ZNF700: variants seen among roughly 807,000 people sequenced by gnomAD.
ZNF700 encodes zinc finger protein 700.
In ZNF700, 38 loss-of-function variants were observed where a neutral mutation model predicts 65.3. The ratio of observed to expected loss-of-function variants is 0.58; its 90% CI spans 0.45 to 0.76. ZNF700 has a LOEUF of 0.76. ZNF700 is among the 30% of genes least tolerant of loss of function. ZNF700 has a pLI of 0.00. For missense variants in ZNF700, 857 were observed against 888.4 expected (o/e 0.96, Z 0.45); for synonymous variants, 285 against 290.4 (o/e 0.98, Z 0.19).
At chr19:11,930,691 GTTTCAC>G (rs1972700105) in intron 1 of ZNF700, among the ~76,000 whole-genome samples, 1 of 148,214 alleles carries the variant, frequency 6.7e-6, no homozygotes, top group African/African-American at 2.6e-5. Flanking sequence ...GTTTGTCATA[GTTTCAC>G]ATTACCTTAA....
chr19:11,949,963 C>T lies in ZNF700; in HGVS notation c.1939C>T (p.Pro647Ser), dbSNP rs138109073. The change falls in exon 4 of 4, where the codon CCC becomes TCC. Residue 647 changes from proline (P) to serine (S), a missense_variant. Pro to Ser is a moderately conservative substitution (Grantham distance 74). Transcript: ENST00000254321. ...MHERTHTGEK[P>S]YECKECEKAF... ...TGAAAGGACTCACACTGGAGAGAAA[C>T]CCTATGAATGTAAGGAATGCGAAAA... The T allele has an allele frequency of 2.5e-6, 4 of 1,613,976 alleles. No individual in the cohort carries two copies. In the African/African-American group the frequency reaches 5.3e-5, roughly 22 times the overall value.
Position 11,947,218 on chromosome 19 carries a change from C to G in ZNF700, c.101C>G (p.Thr34Ser). Residue 34 changes from threonine to serine, a missense_variant, in exon 2 of 4, where the codon ACC becomes AGC. Thr to Ser is a moderately conservative substitution (Grantham distance 58). Coordinates refer to ENST00000254321, the MANE Select transcript of ZNF700 (RefSeq NM_144566.3). ...VAFEDVAVNF[T>S]QEEWTLLDIS... ...TTTGAGGATGTGGCTGTGAACTTCACCCAGGAAGAGTGGACATTGCTGGAT... is the reference window on the plus strand; with the variant it reads ...TTTGAGGATGTGGCTGTGAACTTCAGCCAGGAAGAGTGGACATTGCTGGAT... The G allele has an allele frequency of 1.2e-6, 2 of 1,613,978 alleles. No homozygotes were observed. Among genetic ancestry groups the G allele is most frequent in the Non-Finnish European group, 1.7e-6 (2 of 1,179,994 alleles).
In ZNF700 at chr19:11,926,759, C is replaced by T. The variant is rs1345120139; in HGVS notation, c.63+1486C>T. 4 of 154,270 alleles carry T rather than the reference C, an allele frequency of 2.6e-5. No individual in the cohort carries two copies. In the South Asian group the frequency reaches 8.2e-4, roughly 31 times the overall value. The allele number at this position is 154,270 out of a possible 1,614,324, so 9.6% of individuals were successfully genotyped here. On this transcript the variant is annotated intron_variant, in intron 1 of 3. Coordinates refer to ENST00000254321, the MANE Select transcript of ZNF700 (RefSeq NM_144566.3). ...TTATAAGTTACGTGAGGAGACAAAC[C>T]AGATAAATGCTTGATTGGTTGCAGA...
Position 11,950,086 on chromosome 19 carries a change from G to A in ZNF700, c.2062G>A (p.Ala688Thr). 1 of 1,614,200 alleles carries A rather than the reference G, an allele frequency of 6.2e-7. No homozygotes were observed. Among genetic ancestry groups the A allele is most frequent in the South Asian group, 1.1e-5 (1 of 91,084 alleles). ...GCATTGTGGGAATGGATTCACATCT[G>A]CCAAGATTCTTCAAATACATGCAAG... is the stretch of plus-strand genomic sequence containing the variant. ...CKHCGNGFTSAKILQIHARTH... is the reference protein window; with the variant it reads ...CKHCGNGFTSTKILQIHARTH... Residue 688 changes from alanine (A) to threonine (T), a missense_variant, in exon 4 of 4, where the codon GCC becomes ACC. This residue lies in a region of ZNF700 where 251 missense variants were observed against 250.3 expected (regional missense o/e 1.00). Transcript: ENST00000254321.
intron 1 of ZNF700, among the ~76,000 whole-genome samples, chr19:11,928,535 A>G (rs1972667255): frequency 6.7e-6 from 1 of 148,960 alleles, no homozygotes; most frequent in African/African-American, 2.6e-5. Flanking sequence ...GATCGAGACC[A>G]TCCCGGCTAA....
At position 11,930,443 on chromosome 19, in the gene ZNF700, T is replaced by G. The variant is rs756980503; in HGVS notation, c.63+5170T>G. On this transcript the variant is annotated intron_variant, in intron 1 of 3. Coordinates refer to ENST00000254321, the MANE Select transcript of ZNF700 (RefSeq NM_144566.3). Reference sequence around the variant, plus strand: ...TGGGAGGAGGTGTAGAACTGGAAACTCTGTTGAGTTTGAGTAAAGTTTACT... The same window carrying G: ...TGGGAGGAGGTGTAGAACTGGAAACGCTGTTGAGTTTGAGTAAAGTTTACT... Among the ~76,000 whole-genome samples the G allele has an allele frequency of 7.4e-5, 11 of 148,346 alleles. 1 individual carries two copies. Among genetic ancestry groups the G allele is most frequent in the Non-Finnish European group, 1.5e-4 (10 of 67,930 alleles).
At chr19:11,934,212 G>T (rs1236163035) in intron 1 of ZNF700, among the ~76,000 whole-genome samples, 1 of 148,070 alleles carries the variant, frequency 6.8e-6, no homozygotes, top group South Asian at 2.1e-4. Flanking sequence ...CCTTGTTTGA[G>T]TCTAGTTTTT....
At chr19:11,925,747 C>G (rs1972617092) in intron 1 of ZNF700, among the ~76,000 whole-genome samples, 1 of 152,154 alleles carries the variant, frequency 6.6e-6, no homozygotes, top group African/African-American at 2.4e-5. Context: ...ACACCCCGTC[C>G]TGGGTTGTGG....
At chr19:11,938,428 C>T (rs1972830984) in intron 1 of ZNF700, among the ~76,000 whole-genome samples, 1 of 152,092 alleles carries the variant, frequency 6.6e-6, no homozygotes, top group South Asian at 2.1e-4. Context: ...TGTTCCCCTC[C>T]CTGGGTCCAA....
In ZNF700 at chr19:11,949,494, A is replaced by T. The variant is rs574674142; in HGVS notation, c.1470A>T (p.Gln490His). 1 of 1,612,330 alleles carries T rather than the reference A, an allele frequency of 6.2e-7. No homozygotes were observed. Among genetic ancestry groups the T allele is most frequent in the Admixed American group, 1.7e-5 (1 of 59,554 alleles). Reference sequence around the variant, plus strand: ...CCTTCAGATATGTGAAGCACCTTCAAATTCATGAAAGGACAGAAAAACACA... The same window carrying T: ...CCTTCAGATATGTGAAGCACCTTCATATTCATGAAAGGACAGAAAAACACA... ...GKAFRYVKHL[Q>H]IHERTEKHIR... Residue 490 changes from glutamine (Q) to histidine (H), a missense_variant, in exon 4 of 4, where the codon CAA (glutamine) becomes CAT (histidine). Around this residue, in one of 3 missense-constraint regions of ZNF700, gnomAD observed 603 missense variants for 619.9 expected, o/e 0.97. Coordinates refer to ENST00000254321, the MANE Select transcript of ZNF700 (RefSeq NM_144566.3).
At chr19:11,946,908 G>A (rs1166306500) in intron 1 of ZNF700, 7 of 461,064 alleles carry the variant, frequency 1.5e-5, no homozygotes, top group African/African-American at 4.2e-5. Flanking sequence ...GCTGAGGCAG[G>A]AGAATCGCTT....
chr19:11,935,866 G>C (rs445647), intron 1 of ZNF700, among the ~76,000 whole-genome samples: 26,884 of 152,056 alleles, frequency 0.18, 5,097 homozygotes, highest in African/African-American at 0.48. Flanking sequence ...CAGCCCTCCA[G>C]CCCCTGACAG....
chr19:11,937,197 G>A (rs893477999), intron 1 of ZNF700, among the ~76,000 whole-genome samples: 2 of 152,190 alleles, frequency 1.3e-5, no homozygotes, highest in Non-Finnish European at 2.9e-5. Flanking sequence ...CGTTCTAGAA[G>A]TTGTGAGTTT....
At chr19:11,940,243 C>T (rs948457675) in intron 1 of ZNF700, among the ~76,000 whole-genome samples, 1 of 152,156 alleles carries the variant, frequency 6.6e-6, no homozygotes. Context: ...ATGTTATTTT[C>T]TAAGTATAAA....
chr19:11,941,528 C>T lies in ZNF700; in HGVS notation c.64-5653C>T, dbSNP rs544772743. Reference sequence around the variant, plus strand: ...GGGGACCCAGTACACCCTCTGCAGCCGCTGGCCCAGGTGCTAAGCCCCTCA... The same window carrying T: ...GGGGACCCAGTACACCCTCTGCAGCTGCTGGCCCAGGTGCTAAGCCCCTCA... On this transcript the variant is annotated intron_variant, in intron 1 of 3. Transcript: ENST00000254321. 9.2e-5 allele frequency among the ~76,000 whole-genome samples: 14 copies of T among 152,346 alleles called. No homozygotes were observed. In the South Asian group the frequency reaches 1.0e-3, roughly 11 times the overall value.
intron 1 of ZNF700, among the ~76,000 whole-genome samples, chr19:11,945,640 A>G (rs1453038372): frequency 6.6e-6 from 1 of 152,026 alleles, no homozygotes; most frequent in African/African-American, 2.4e-5. Context: ...TCTTCTGCCC[A>G]CACCTTTGAC....
At chr19:11,928,539 C>T (rs370899263) in intron 1 of ZNF700, among the ~76,000 whole-genome samples, 1 of 148,602 alleles carries the variant, frequency 6.7e-6, no homozygotes, top group African/African-American at 2.6e-5. Context: ...GAGACCATCC[C>T]GGCTAAAACG....
intron 1 of ZNF700, among the ~76,000 whole-genome samples, chr19:11,925,602 G>T (rs1023947822): frequency 5.3e-5 from 8 of 152,218 alleles, no homozygotes; most frequent in Admixed American, 1.3e-4. Context: ...TCCTGACTCG[G>T]GTGTGGGGTT....
At chr19:11,947,385 T>A in intron 2 of ZNF700, 78 bp downstream of exon 2, 2 of 1,607,966 alleles carry the variant, frequency 1.2e-6, no homozygotes, top group Non-Finnish European at 1.7e-6. Flanking sequence ...TGAGTGATTT[T>A]GAACATAGAC....
Sources: gnomAD v4.1 joint callset for allele counts (sites outside exome capture counted in the v4.1 genomes callset) on GRCh38, gnomAD v4.1.1 for gene constraint, gnomAD v4.1.1 regional missense constraint, MANE v1.5 for transcripts, NCBI Gene and HGNC (gene_info 2026-07-23, HGNC 2026-07-21) for gene names.